MAGI3: variants seen among roughly 807,000 people sequenced by gnomAD.
MAGI3 encodes the protein membrane-associated guanylate kinase, WW and PDZ domain-containing protein 3.
MAGI3 carries 43 observed loss-of-function variants against 121.8 expected under a neutral mutation model. The ratio of observed to expected loss-of-function variants is 0.35; its 90% CI spans 0.28 to 0.46. MAGI3 has a LOEUF of 0.46. MAGI3 is among the 20% of genes least tolerant of loss of function. MAGI3 has a pLI of 1.00. For missense variants in MAGI3, 1,547 were observed against 1,797.3 expected (o/e 0.86, Z 2.52); for synonymous variants, 553 against 639.3 (o/e 0.86, Z 2.04).
chr1:113,582,501 A>T (rs940954909), intron 3 of MAGI3, among the ~76,000 whole-genome samples: 1 of 152,130 alleles, frequency 6.6e-6, no homozygotes, highest in African/African-American at 2.4e-5. Context: ...CATAAAAAGT[A>T]TAAAATTATA....
rs35665087 is a variant in MAGI3, at chr1:113,674,391, T to TA, written c.3189+943dup. On this transcript the variant is annotated intron_variant, in intron 19 of 20. Coordinates refer to ENST00000307546, the MANE Select transcript of MAGI3 (RefSeq NM_001142782.2). ...TGGGCAACAAGAGCAAAACTCCATT[T>TA]AAAAAAAAAAAAAAAAAGACATTTG... Among the ~76,000 whole-genome samples the TA allele has an allele frequency of 0.047, 5,787 of 124,220 alleles. 902 individuals carry two copies. In the East Asian group the frequency reaches 0.56, roughly 12 times the overall value. The allele number at this position is 124,220 out of a possible 152,430, so 81.5% of individuals were successfully genotyped here.
chr1:113,546,554 C>T (rs755558293), intron 1 of MAGI3, among the ~76,000 whole-genome samples: 56 of 152,094 alleles, frequency 3.7e-4, no homozygotes, highest in Admixed American at 1.4e-3. Context: ...CTAGGCTGGT[C>T]TCGATCTCCT....
chr1:113,565,093 G>A (rs1020871208), intron 2 of MAGI3, among the ~76,000 whole-genome samples: 5 of 151,584 alleles, frequency 3.3e-5, no homozygotes, highest in South Asian at 2.1e-4. Context: ...CAGGTGATCC[G>A]CCCGCCTCAG....
At chr1:113,441,577 A>C (rs1481621497) in intron 1 of MAGI3, among the ~76,000 whole-genome samples, 2 of 152,202 alleles carry the variant, frequency 1.3e-5, no homozygotes, top group African/African-American at 4.8e-5. Flanking sequence ...TTAGGGAAAT[A>C]CTTTGACTGC....
At chr1:113,495,351 A>G (rs866731432) in intron 1 of MAGI3, among the ~76,000 whole-genome samples, 1 of 139,914 alleles carries the variant, frequency 7.1e-6, no homozygotes. Context: ...TAGTTTTTGA[A>G]GTACCTCTTT....
chr1:113,413,733 C>A (rs1422317640), intron 1 of MAGI3, among the ~76,000 whole-genome samples: 2 of 152,078 alleles, frequency 1.3e-5, no homozygotes, highest in Non-Finnish European at 2.9e-5. Context: ...GATTTTGTAT[C>A]CTGCGACTTT....
chr1:113,453,842 G>C (rs1173664502), intron 1 of MAGI3, among the ~76,000 whole-genome samples: 1 of 152,246 alleles, frequency 6.6e-6, no homozygotes, highest in Non-Finnish European at 1.5e-5. Context: ...AGTATGAGAA[G>C]AGAGCAACAC....
At position 113,585,377 on chromosome 1, in the gene MAGI3, T is replaced by C. The variant is rs1324504307; in HGVS notation, c.554-10T>C. ...ATTAGTAATTTCAGCTGCTATTTTA[T>C]TCACTTCAGGAAACTTCTATGGAAC... On this transcript the variant is annotated splice_polypyrimidine_tract_variant and intron_variant, in intron 3 of 20. Coordinates refer to ENST00000307546, the MANE Select transcript of MAGI3 (RefSeq NM_001142782.2). 7 of 1,612,692 alleles carry C rather than the reference T, an allele frequency of 4.3e-6. No homozygotes were observed. The highest frequency in any genetic ancestry group is 4.2e-6 in the Non-Finnish European group (5 of 1,179,114).
At position 113,391,474 on chromosome 1, in the gene MAGI3, C is replaced by T. The variant is rs891525905; in HGVS notation, c.316+125C>T. 1.8e-6 allele frequency: 2 copies of T among 1,083,828 alleles called. No homozygotes were observed. Among genetic ancestry groups the T allele is most frequent in the Non-Finnish European group, 2.6e-6 (2 of 767,058 alleles). 67.1% of individuals were successfully genotyped at this position (1,083,828 alleles called of 1,614,324 possible). A position where few individuals can be genotyped will look rare whatever the true frequency, so the allele number is the denominator to read the frequency against. On this transcript the variant is annotated intron_variant, in intron 1 of 20. Transcript: ENST00000307546. This position sits in a 1 kb window ranked among gnomAD's most constrained non-coding sequence, Gnocchi z 4.4. ...GGTAATCTTAGACCTCTAGGGTGTG[C>T]CAGACTCCTTGACGAGGGGGAGGGG...
chr1:113,637,641 T>C (rs1043201886), intron 9 of MAGI3, among the ~76,000 whole-genome samples: 1 of 152,158 alleles, frequency 6.6e-6, no homozygotes, highest in African/African-American at 2.4e-5. Flanking sequence ...AACCCGACCT[T>C]TCTCTCTGGC....
chr1:113,450,236 T>G, intron 1 of MAGI3: 1 of 1,599,800 alleles, frequency 6.3e-7, no homozygotes, highest in Non-Finnish European at 8.5e-7. Context: ...AAAAAGGCCC[T>G]TTCTAAACAA....
chr1:113,674,319 G>A (rs1230317212), intron 19 of MAGI3, among the ~76,000 whole-genome samples: 1 of 148,806 alleles, frequency 6.7e-6, no homozygotes, highest in African/African-American at 2.5e-5. Context: ...TTGAACCTGG[G>A]AGGCAGAGGT....
intron 2 of MAGI3, among the ~76,000 whole-genome samples, chr1:113,550,410 C>A (rs1659727647): frequency 6.7e-6 from 1 of 149,830 alleles, no homozygotes. Context: ...AGCGAGATTC[C>A]GTCTCAAAAA....
intron 2 of MAGI3, among the ~76,000 whole-genome samples, chr1:113,579,208 C>T (rs1647857398): frequency 6.6e-6 from 1 of 152,128 alleles, no homozygotes; most frequent in African/African-American, 2.4e-5. Flanking sequence ...GACATGGTTT[C>T]TGCATGTTGC....
At chr1:113,435,701 G>A (rs537317158) in intron 1 of MAGI3, among the ~76,000 whole-genome samples, 3 of 152,168 alleles carry the variant, frequency 2.0e-5, no homozygotes, top group African/African-American at 7.2e-5. Flanking sequence ...TATGTGGAGG[G>A]ATGTCTTTAA....
intron 1 of MAGI3, among the ~76,000 whole-genome samples, chr1:113,528,464 T>C (rs1658554960): frequency 6.6e-6 from 1 of 152,172 alleles, no homozygotes; most frequent in Non-Finnish European, 1.5e-5. Context: ...TTAAATGTTT[T>C]GGCAAAAATA....
intron 19 of MAGI3, among the ~76,000 whole-genome samples, chr1:113,674,391 TAAA>T (rs35665087): frequency 1.4e-4 from 17 of 124,222 alleles, no homozygotes; most frequent in Non-Finnish European, 1.7e-4. Context: ...AAACTCCATT[TAAA>T]AAAAAAAAAA....
rs1656397410 is a variant in MAGI3 at position 113,486,677 on chromosome 1, G to A, written c.317-62838G>A. On this transcript the variant is annotated intron_variant, in intron 1 of 20. Transcript: ENST00000307546. ...TTTTTTTTTTTTTTTTTTGAGACAG[G>A]GCCTTGCGATTTCACCCAATCTAGA... Among the ~76,000 whole-genome samples, 3 of 141,048 alleles carry A rather than the reference G, an allele frequency of 2.1e-5. No individual in the cohort carries two copies. In the South Asian group the frequency reaches 6.7e-4, roughly 32 times the overall value. The allele number at this position is 141,048 out of a possible 152,430, so 92.5% of individuals were successfully genotyped here. A position where few individuals can be genotyped will look rare whatever the true frequency, so the allele number is the denominator to read the frequency against.
At chr1:113,404,559 G>T (rs948003819) in intron 1 of MAGI3, 8 of 152,090 alleles carry the variant, frequency 5.3e-5, no homozygotes, top group African/African-American at 1.9e-4. Flanking sequence ...ATAGTGGTTT[G>T]CTACTGTGCA....
Sources: gnomAD v4.1 joint callset for allele counts (sites outside exome capture counted in the v4.1 genomes callset) on GRCh38, gnomAD v4.1.1 for gene constraint, Gnocchi (gnomAD v3.1) non-coding constraint, MANE v1.5 for transcripts, NCBI Gene and HGNC (gene_info 2026-07-23, HGNC 2026-07-21) for gene names.